FGB: variants seen among roughly 807,000 people sequenced by gnomAD.
The protein encoded by FGB is beta-fibrinogen.
A neutral mutation model predicts 57.9 loss-of-function variants in FGB; 25 were observed. The observed-to-expected ratio is 0.43, with a 90% CI of 0.31 to 0.60. FGB has a LOEUF of 0.60. FGB is among the 20% of genes least tolerant of loss of function. FGB has a pLI of 0.08. For synonymous variants in FGB, 203 were observed against 199.2 expected (o/e 1.02, Z -0.16); for missense variants, 536 against 598.4 (o/e 0.90, Z 1.09).
chr4:154,566,296 T>G (rs1399160076), intron 2 of FGB, among the ~76,000 whole-genome samples, 193 bp from the exon 3 acceptor site: 1 of 152,196 alleles, frequency 6.6e-6, no homozygotes, highest in African/African-American at 2.4e-5. Flanking sequence ...AATTATATTT[T>G]TTCTGGGGTA....
intron 7 of FGB, among the ~76,000 whole-genome samples, chr4:154,570,101 C>A (rs1043930869): frequency 2.0e-5 from 3 of 152,066 alleles, no homozygotes; most frequent in African/African-American, 4.8e-5. Flanking sequence ...ATACCTATAT[C>A]TCTATATTCT....
chr4:154,568,223 A>G (rs1730253199), intron 4 of FGB, among the ~76,000 whole-genome samples, 158 bp from the exon 5 acceptor site: 1 of 152,212 alleles, frequency 6.6e-6, no homozygotes, highest in Non-Finnish European at 1.5e-5. Context: ...GGACTTACTA[A>G]AGTAAAATGA....
intron 1 of FGB, chr4:154,565,248 T>G (rs950198061): frequency 2.2e-6 from 1 of 450,474 alleles, no homozygotes; most frequent in Non-Finnish European, 4.6e-6. Flanking sequence ...AAGTCAACCC[T>G]ACGGTCAAGA....
chr4:154,569,942 G>C (rs1443533165), intron 7 of FGB, 143 bp downstream of exon 7: 1 of 802,868 alleles, frequency 1.2e-6, no homozygotes, highest in Non-Finnish European at 2.1e-6. Context: ...TCACTCGAAA[G>C]CATTTCAACT....
chr4:154,567,471 A>T, intron 3 of FGB, 122 bp from the exon 4 acceptor site: 1 of 687,914 alleles, frequency 1.5e-6, no homozygotes, highest in Non-Finnish European at 2.6e-6. Context: ...ATATATCATA[A>T]CTGCTTGGTG....
At chr4:154,565,579 T>C in intron 1 of FGB, 1 of 552,942 alleles carries the variant, frequency 1.8e-6, no homozygotes, top group Non-Finnish European at 3.2e-6. Flanking sequence ...TCCTAAGGCC[T>C]CTCTTTAAAA....
rs766473963 is a variant in FGB at position 154,570,528 on chromosome 4, T to C, written c.1354T>C (p.Tyr452His). The stretch of plus-strand genomic sequence containing the variant: ...CGGCAGATACTACTGGGGTGGACAG[T>C]ACACCTGGGACATGGCAAAGCATGG... ...PNGRYYWGGQ[Y>H]TWDMAKHGTD... Residue 452 changes from tyrosine to histidine, a missense_variant, in exon 8 of 8, where the codon TAC becomes CAC. By Grantham distance (83) the Tyr-to-His change is moderately conservative. This residue lies in a region of FGB where 177 missense variants were observed against 193.7 expected (regional missense o/e 0.91). Transcript: ENST00000302068. The C allele has an allele frequency of 6.2e-7, 1 of 1,614,098 alleles. No homozygotes were observed. Among genetic ancestry groups the C allele is most frequent in the Non-Finnish European group, 8.5e-7 (1 of 1,179,998 alleles).
intron 7 of FGB, 38 bp downstream of exon 7, chr4:154,569,837 C>T (rs1357873081): frequency 6.2e-7 from 1 of 1,606,450 alleles, no homozygotes; most frequent in Admixed American, 1.7e-5. Flanking sequence ...TTAAAAATCA[C>T]ACTAATATCA....
chr4:154,563,888 A>G (rs1377669954), intron 1 of FGB, among the ~76,000 whole-genome samples: 4 of 152,046 alleles, frequency 2.6e-5, no homozygotes, highest in Non-Finnish European at 4.4e-5. Flanking sequence ...AATTTCTTAC[A>G]TATAGCATAG....
In FGB at chr4:154,565,127, T is replaced by G. The variant is rs72955361; in HGVS notation, c.115-681T>G. The G allele has an allele frequency of 5.2e-3, 2,304 of 439,686 alleles. 49 individuals are homozygous for G. Among genetic ancestry groups the G allele is most frequent in the African/African-American group, 0.043 (2,112 of 48,644 alleles). The allele number at this position is 439,686 out of a possible 1,614,324, so 27.2% of individuals were successfully genotyped here. A position where few individuals can be genotyped will look rare whatever the true frequency, so the allele number is the denominator to read the frequency against. ...GAGGGTACCATATGCAATAAGTTAT[T>G]TAATCCTTACAATAATCTTGTAAGG... On this transcript the variant is annotated intron_variant, in intron 1 of 7. Transcript: ENST00000302068.
chr4:154,566,852 G>C, intron 3 of FGB, 180 bp downstream of exon 3: 1 of 621,376 alleles, frequency 1.6e-6, no homozygotes. Context: ...CTTATTCCCA[G>C]TCTGACATCA....
Position 154,572,537 on chromosome 4 carries a change from C to A in FGB, c.*1887C>A, listed in dbSNP as rs930570748. On this transcript the variant is annotated 3_prime_UTR_variant, in exon 8 of 8. Coordinates refer to ENST00000302068, the MANE Select transcript of FGB (RefSeq NM_005141.5). ...CTTGGTTCCTTGCACATCCTGAGTT[C>A]CAACGGACAGGCAGGGAGTTCAAGT... Among the ~76,000 whole-genome samples the A allele has an allele frequency of 1.3e-5, 2 of 152,180 alleles. No individual in the cohort carries two copies. Among genetic ancestry groups the A allele is most frequent in the Admixed American group, 6.5e-5 (1 of 15,272 alleles).
chr4:154,570,445 G>A lies in FGB; in HGVS notation c.1271G>A (p.Cys424Tyr). The change falls in exon 8 of 8, where the codon TGT becomes TAT. Residue 424 changes from cysteine to tyrosine, a missense_variant. By Grantham distance (194) the Cys-to-Tyr change is radical. This residue lies in a region of FGB where 177 missense variants were observed against 193.7 expected (regional missense o/e 0.91). Transcript: ENST00000302068. ...TTAACATCAGATCCCAGAAAACAGT[G>A]TTCTAAAGAAGACGGTGGTGGATGG... is the stretch of plus-strand genomic sequence containing the variant. ...GWLTSDPRKQ[C>Y]SKEDGGGWWY... is the part of the protein sequence containing the mutation. The A allele has an allele frequency of 6.2e-7, 1 of 1,614,042 alleles. No homozygotes were observed.
rs1262448399 is a variant in FGB at position 154,569,635 on chromosome 4, T to G, written c.1080T>G (p.Thr360=). The G allele has an allele frequency of 2.6e-5, 42 of 1,614,034 alleles. No homozygotes were observed. The highest frequency in any genetic ancestry group is 3.4e-5 in the Non-Finnish European group (40 of 1,180,036). The change falls in exon 7 of 8, where the codon ACT becomes ACG. Residue 360 remains threonine, a synonymous_variant. Transcript: ENST00000302068. ...DKVKAHYGGF[T]VQNEANKYQI... ...TAAAGGCTCACTATGGAGGATTCACTGTACAGAATGAAGCCAACAAATACC... is the reference window on the plus strand; with the variant it reads ...TAAAGGCTCACTATGGAGGATTCACGGTACAGAATGAAGCCAACAAATACC...
At chr4:154,568,894 T>G (rs1252932692) in intron 5 of FGB, among the ~76,000 whole-genome samples, 1 of 151,956 alleles carries the variant, frequency 6.6e-6, no homozygotes, top group African/African-American at 2.4e-5. Context: ...GAAACAAGAC[T>G]TAGCTCTAAC....
Position 154,566,691 on chromosome 4 carries a change from T to A in FGB, c.490+19T>A. On this transcript the variant is annotated intron_variant, in intron 3 of 7. Transcript: ENST00000302068. ...GTAAAAGGTAGATATCCTTGTGCTT[T>A]CCATTCGATTTTCAGCTATAAAATT... is the stretch of plus-strand genomic sequence containing the variant. The A allele has an allele frequency of 6.2e-7, 1 of 1,611,990 alleles. No homozygotes were observed. Among genetic ancestry groups the A allele is most frequent in the Non-Finnish European group, 8.5e-7 (1 of 1,178,408 alleles).
chr4:154,568,499 G>C lies in FGB; in HGVS notation c.832+5G>C. 12 of 1,389,674 alleles carry C rather than the reference G, an allele frequency of 8.6e-6. No homozygotes were observed. Among genetic ancestry groups the C allele is most frequent in the Non-Finnish European group, 1.2e-5 (12 of 975,398 alleles). The allele number at this position is 1,389,674 out of a possible 1,614,324, so 86.1% of individuals were successfully genotyped here. On this transcript the variant is annotated splice_donor_5th_base_variant and intron_variant, in intron 5 of 7. Transcript: ENST00000302068. ...ACATGAATACAGAAAATGGAGGTAA[G>C]CTTTCGACAGTTGTTGACCTGTTGA...
rs1345809290 is a variant in FGB, at chr4:154,572,124, G to T, written c.*1474G>T. Among the ~76,000 whole-genome samples the T allele has an allele frequency of 6.6e-6, 1 of 152,054 alleles. No homozygotes were observed. Among genetic ancestry groups the T allele is most frequent in the African/African-American group, 2.4e-5 (1 of 41,414 alleles). ...TTTCTTAAATTCAAATTTTTTAGCT[G>T]GAGTAAAAATGGTCCCAGTACCATT... On this transcript the variant is annotated 3_prime_UTR_variant, in exon 8 of 8. Coordinates refer to ENST00000302068, the MANE Select transcript of FGB (RefSeq NM_005141.5).
chr4:154,563,164 G>T (rs771407974), intron 1 of FGB, 32 bp downstream of exon 1: 2 of 864,578 alleles, frequency 2.3e-6, no homozygotes, highest in Admixed American at 4.1e-5. Context: ...TATATTATTA[G>T]TAGTATTATT....
Sources: gnomAD v4.1 joint callset for allele counts (sites outside exome capture counted in the v4.1 genomes callset) on GRCh38, gnomAD v4.1.1 for gene constraint, gnomAD v4.1.1 regional missense constraint, MANE v1.5 for transcripts, NCBI Gene and HGNC (gene_info 2026-07-23, HGNC 2026-07-21) for gene names.